Variants in ACYP2 observed in about 807,000 individuals in gnomAD.
The protein encoded by ACYP2 is acylphosphatase-2.
ACYP2 carries 12 observed loss-of-function variants against 11.2 expected under a neutral mutation model. The ratio of observed to expected loss-of-function variants is 1.08; its 90% confidence interval spans 0.69 to 1.74. The LOEUF (loss-of-function observed/expected upper bound fraction) is 1.74, where lower values mean the gene tolerates loss of function less well. Among genes scored for constraint, ACYP2 ranks in the 40% most tolerant of loss-of-function variants. ACYP2 has a pLI of 0.00. For synonymous variants in ACYP2, 43 were observed against 32.2 expected (o/e 1.33, Z -1.13); for missense variants, 134 against 101.9 (o/e 1.31, Z -1.35).
chr2:53,972,922 G>T (rs1249309139), intron 1 of ACYP2, among the ~76,000 whole-genome samples: 1 of 152,210 alleles, frequency 6.6e-6, no homozygotes, highest in Non-Finnish European at 1.5e-5. Context: ...GATCTAAACT[G>T]AGATGCAGAT....
chr2:54,293,652 G>T (rs1689403715), intron 6 of ACYP2, among the ~76,000 whole-genome samples: 1 of 152,186 alleles, frequency 6.6e-6, no homozygotes, highest in South Asian at 2.1e-4. Context: ...AGTTATTAAT[G>T]GCCAGATGTT....
chr2:54,035,534 G>A (rs1417097918), intron 2 of ACYP2, among the ~76,000 whole-genome samples: 1 of 152,028 alleles, frequency 6.6e-6, no homozygotes, highest in African/African-American at 2.4e-5. Context: ...CAAAGTGCTG[G>A]AATTACAGGT....
intron 6 of ACYP2, among the ~76,000 whole-genome samples, chr2:54,141,659 A>G (rs984237096): frequency 1.3e-5 from 2 of 152,112 alleles, no homozygotes; most frequent in African/African-American, 4.8e-5. Context: ...TAATTATACT[A>G]TCTCCACAGT....
At chr2:54,201,654 CTT>C (rs1432557752) in intron 6 of ACYP2, among the ~76,000 whole-genome samples, 17 of 66,740 alleles carry the variant, frequency 2.5e-4, no homozygotes, top group East Asian at 5.7e-4. Context: ...TTCTTTCTTT[CTT>C]TCTTTCTTTC....
chr2:54,285,866 G>A (rs1478583773), intron 6 of ACYP2, among the ~76,000 whole-genome samples: 2 of 152,228 alleles, frequency 1.3e-5, no homozygotes, highest in Non-Finnish European at 2.9e-5. Flanking sequence ...CTTGGGTTAT[G>A]AGAATGGAGG....
intron 6 of ACYP2, among the ~76,000 whole-genome samples, chr2:54,262,984 C>T (rs934831972): frequency 6.6e-6 from 1 of 151,914 alleles, no homozygotes; most frequent in Non-Finnish European, 1.5e-5. Flanking sequence ...CTATGGGGGG[C>T]CAAAGTGGGA....
At chr2:53,973,327 G>T (rs1181225591) in intron 1 of ACYP2, among the ~76,000 whole-genome samples, 8 of 152,152 alleles carry the variant, frequency 5.3e-5, no homozygotes, top group Admixed American at 3.9e-4. Flanking sequence ...GGGAGAGCCG[G>T]AAAGAGATGA....
intron 2 of ACYP2, among the ~76,000 whole-genome samples, chr2:53,990,375 G>T (rs1672229977): frequency 1.3e-5 from 2 of 152,080 alleles, no homozygotes; most frequent in African/African-American, 4.8e-5. Flanking sequence ...CTAGCTGGGA[G>T]CTGTGGCTCA....
chr2:54,216,572 A>G (rs917547657), intron 6 of ACYP2, among the ~76,000 whole-genome samples: 3 of 146,304 alleles, frequency 2.1e-5, no homozygotes, highest in African/African-American at 5.1e-5. Context: ...GAGTATCGCT[A>G]TGTCACCTAG....
At chr2:53,987,305 G>A (rs893395763) in intron 2 of ACYP2, among the ~76,000 whole-genome samples, 1 of 150,708 alleles carries the variant, frequency 6.6e-6, no homozygotes, top group African/African-American at 2.4e-5. Flanking sequence ...GTACATTTAT[G>A]ATACATATCT....
chr2:54,130,000 A>G (rs1319095613), intron 4 of ACYP2, among the ~76,000 whole-genome samples: 2 of 151,736 alleles, frequency 1.3e-5, no homozygotes, highest in Non-Finnish European at 2.9e-5. Context: ...GCTGGTTTTT[A>G]AAAATTCATT....
chr2:54,028,365 C>G (rs1471369766), intron 2 of ACYP2, among the ~76,000 whole-genome samples: 2 of 152,128 alleles, frequency 1.3e-5, no homozygotes, highest in Non-Finnish European at 2.9e-5. Flanking sequence ...ATATGGCATT[C>G]TGACATGCTG....
At chr2:54,088,026 A>G (rs1678031282) in intron 4 of ACYP2, among the ~76,000 whole-genome samples, 1 of 152,194 alleles carries the variant, frequency 6.6e-6, no homozygotes, top group African/African-American at 2.4e-5. Flanking sequence ...TCACCAAGTA[A>G]GGGGTACTTC....
intron 6 of ACYP2, among the ~76,000 whole-genome samples, chr2:54,290,389 C>T (rs1475433504): frequency 6.6e-6 from 1 of 152,050 alleles, no homozygotes; most frequent in Non-Finnish European, 1.5e-5. Context: ...TCCCCCACCC[C>T]TACCATTTCC....
intron 6 of ACYP2, chr2:54,255,095 A>C (rs750300842): frequency 3.1e-6 from 5 of 1,614,076 alleles, no homozygotes; most frequent in Non-Finnish European, 4.2e-6. Flanking sequence ...TCTGAAAACC[A>C]GGTGAAGAAG....
chr2:54,219,003 G>A (rs1322753414), intron 6 of ACYP2, among the ~76,000 whole-genome samples: 1 of 152,056 alleles, frequency 6.6e-6, no homozygotes, highest in Non-Finnish European at 1.5e-5. Context: ...AATAAATCTT[G>A]GATGGGAAAT....
At chr2:54,294,180 C>T (rs1689427230) in intron 6 of ACYP2, among the ~76,000 whole-genome samples, 2 of 152,152 alleles carry the variant, frequency 1.3e-5, no homozygotes, top group Admixed American at 1.3e-4. Flanking sequence ...ATAGTGTTAG[C>T]TTTCTAGTGC....
chr2:54,044,823 A>G (rs1324702709), intron 2 of ACYP2, among the ~76,000 whole-genome samples: 1 of 152,172 alleles, frequency 6.6e-6, no homozygotes, highest in Non-Finnish European at 1.5e-5. Context: ...AAGTGGCTGA[A>G]GGTTTGTTGT....
chr2:54,281,319 G>C (rs1195516575), intron 6 of ACYP2, among the ~76,000 whole-genome samples: 3 of 152,172 alleles, frequency 2.0e-5, no homozygotes, highest in Non-Finnish European at 4.4e-5. Flanking sequence ...ATTTACTTCA[G>C]TTATCAAATT....
Sources: gnomAD v4.1 joint callset for allele counts (sites outside exome capture counted in the v4.1 genomes callset) on GRCh38, gnomAD v4.1.1 for gene constraint, MANE v1.5 for transcripts, NCBI Gene and HGNC (gene_info 2026-07-23, HGNC 2026-07-21) for gene names.